RNF135: variants seen among roughly 807,000 people sequenced by gnomAD.
RNF135 encodes E3 ubiquitin-protein ligase RNF135.
Under a neutral mutation model 41.9 loss-of-function variants are expected in RNF135, and 46 were observed. That is an observed-to-expected ratio of 1.10 (90% confidence interval 0.87 to 1.40). The LOEUF (loss-of-function observed/expected upper bound fraction) is 1.40. RNF135 is among the 40% of genes most tolerant of loss of function. The pLI, the probability that RNF135 is intolerant of heterozygous loss-of-function variation, is 0.00. For missense variants in RNF135, 539 were observed against 549.8 expected, an observed-to-expected ratio of 0.98 and a Z score of 0.20; for synonymous variants, 238 against 223.8, an observed-to-expected ratio of 1.06 and a Z score of -0.57.
intron 3 of RNF135, among the ~76,000 whole-genome samples, chr17:30,995,438 CA>C (rs1250506261): frequency 6.6e-6 from 1 of 152,066 alleles, no homozygotes. Flanking sequence ...TTATGTTGCC[CA>C]GGCTGGTCTG....
rs1420453160 is a variant in RNF135 at position 30,983,353 on chromosome 17, A to ATATATATATTT, written c.373-1263_373-1262insATATATATTTT. 1.2e-3 allele frequency among the ~76,000 whole-genome samples: 43 copies of ATATATATATTT among 35,714 alleles called. 1 individual carries two copies. Among genetic ancestry groups the ATATATATATTT allele is most frequent in the Non-Finnish European group, 1.9e-3 (35 of 18,646 alleles). The allele number at this position is 35,714 out of a possible 152,430, so 23.4% of individuals were successfully genotyped here. On this transcript the variant is annotated intron_variant, in intron 1 of 4. Coordinates refer to ENST00000328381, the MANE Select transcript of RNF135 (RefSeq NM_032322.4). ...TATATATATATATATATATATATAT[A>ATATATATATTT]TTTTTTTTTTTTTTTTTTGAGATGG...
rs192664750 is a variant in RNF135 at position 30,997,098 on chromosome 17, C to T, written c.680-144C>T. 1.7e-4 allele frequency: 117 copies of T among 687,426 alleles called. No individual in the cohort carries two copies. In the African/African-American group the frequency reaches 1.8e-3, roughly 11 times the overall value. 42.6% of individuals were successfully genotyped at this position (687,426 alleles called of 1,614,324 possible). A position where few individuals can be genotyped will look rare whatever the true frequency, so the allele number is the denominator to read the frequency against. ...CATACCTGGGCTGCAGGCACACTGC[C>T]TCTGCCTGATCCAGTCCTGACACTG... On this transcript the variant is annotated intron_variant, in intron 3 of 4. Coordinates refer to ENST00000328381, the MANE Select transcript of RNF135 (RefSeq NM_032322.4).
chr17:30,980,466 A>C (rs1287185408), intron 1 of RNF135, among the ~76,000 whole-genome samples: 11 of 105,100 alleles, frequency 1.0e-4, no homozygotes, highest in African/African-American at 1.5e-4. Context: ...GGAGCCCCTC[A>C]CCTCCCGGAC....
Position 30,979,812 on chromosome 17 carries a change from A to AC in RNF135, c.373-4798dup, listed in dbSNP as rs1234375428. On this transcript the variant is annotated intron_variant, in intron 1 of 4. Transcript: ENST00000328381. ...GGGCGGCTGGCCGGGCGGGGGGCTG[A>AC]CCCCCCCACCTCCCTCCCGGATGGG... 2.2e-3 allele frequency among the ~76,000 whole-genome samples: 146 copies of AC among 65,472 alleles called. 3 individuals carry two copies. The highest frequency in any genetic ancestry group is 8.6e-3 in the African/African-American group (136 of 15,762). 43.0% of individuals were successfully genotyped at this position (65,472 alleles called of 152,430 possible).
chr17:30,997,640 T>C (rs1214542648), intron 4 of RNF135: 1 of 455,678 alleles, frequency 2.2e-6, no homozygotes, highest in Non-Finnish European at 4.4e-6. Flanking sequence ...TATAGCCAAC[T>C]GCCTCTTCCT....
the RNF135 span, among the ~76,000 whole-genome samples, chr17:30,960,101 A>G: frequency 6.6e-6 from 1 of 152,106 alleles, no homozygotes; most frequent in Non-Finnish European, 1.5e-5. Context: ...GGCTATAGAA[A>G]GAAATTTATT....
Position 30,971,083 on chromosome 17 carries a change from C to T in RNF135, c.10C>T (p.Leu4=), listed in dbSNP as rs1567734551. Residue 4 remains leucine, a synonymous_variant, in exon 1 of 5, where the codon CTG becomes TTG. Coordinates refer to ENST00000328381, the MANE Select transcript of RNF135 (RefSeq NM_032322.4). The part of the protein sequence containing the change: MAG[L]GLGSAVPVWL... ...CGGCCGCCTGTTGGCCATGGCGGGC[C>T]TGGGCCTGGGCTCCGCCGTTCCCGT... The T allele has an allele frequency of 2.0e-6, 3 of 1,534,258 alleles. No individual in the cohort carries two copies. The highest frequency in any genetic ancestry group is 2.6e-6 in the Non-Finnish European group (3 of 1,146,062).
intron 1 of RNF135, among the ~76,000 whole-genome samples, chr17:30,983,065 T>A (rs1341546283): frequency 6.6e-6 from 1 of 151,916 alleles, no homozygotes; most frequent in African/African-American, 2.4e-5. Context: ...TCTTCAAGGG[T>A]TATTTATGTT....
At chr17:30,984,045 A>G (rs944642387) in intron 1 of RNF135, among the ~76,000 whole-genome samples, 2 of 152,190 alleles carry the variant, frequency 1.3e-5, no homozygotes, top group African/African-American at 4.8e-5. Context: ...TATTCTCAGT[A>G]TTAATGCCTT....
intron 1 of RNF135, chr17:30,975,755 C>A: frequency 8.4e-7 from 1 of 1,190,522 alleles, no homozygotes; most frequent in South Asian, 1.2e-5. Context: ...GTACATGGGT[C>A]ATCGGGTACC....
At chr17:30,959,561 G>C in the RNF135 span, 2 of 152,194 alleles carry the variant, frequency 1.3e-5, no homozygotes, top group African/African-American at 2.4e-5. Flanking sequence ...AAGGCTCAGA[G>C]ATATCAGGTG....
intron 3 of RNF135, among the ~76,000 whole-genome samples, chr17:30,992,109 T>A (rs992380828): frequency 1.8e-4 from 28 of 151,600 alleles, no homozygotes; most frequent in African/African-American, 6.8e-4. Flanking sequence ...TTTTTGTATT[T>A]TTAGCAGAGA....
At chr17:30,966,226 A>G (rs1405346774), upstream of RNF135, among the ~76,000 whole-genome samples, 1 of 152,200 alleles carries the variant, frequency 6.6e-6, no homozygotes, top group Non-Finnish European at 1.5e-5. Flanking sequence ...GGCCTACCCC[A>G]GGAATGAGCG....
chr17:30,979,664 A>G (rs1906852037), intron 1 of RNF135, among the ~76,000 whole-genome samples: 1 of 102,632 alleles, frequency 9.7e-6, no homozygotes, highest in Admixed American at 1.0e-4. Context: ...CGGGGGGCTG[A>G]TCCCCCCCAC....
chr17:30,970,861 TGAA>T, upstream of RNF135: 1 of 674,364 alleles, frequency 1.5e-6, no homozygotes, highest in Non-Finnish European at 2.4e-6. Context: ...AGGCCGCCAC[TGAA>T]GGTCAGCTCT....
At chr17:30,969,759 C>T (rs981288639), upstream of RNF135, among the ~76,000 whole-genome samples, 110 of 122,624 alleles carry the variant, frequency 9.0e-4, no homozygotes, top group African/African-American at 1.7e-3. Context: ...TCTTTTTTTT[C>T]TTTTTTTTTT....
chr17:30,996,069 G>A (rs1264635671), intron 3 of RNF135, among the ~76,000 whole-genome samples: 2 of 149,288 alleles, frequency 1.3e-5, no homozygotes, highest in African/African-American at 5.0e-5. Flanking sequence ...GAGCCACCAC[G>A]CCCAGGCAGA....
intron 3 of RNF135, among the ~76,000 whole-genome samples, 178 bp downstream of exon 3, chr17:30,988,284 G>T (rs745635486): frequency 5.9e-5 from 9 of 151,938 alleles, no homozygotes; most frequent in Non-Finnish European, 1.0e-4. Context: ...TATGTTTTTG[G>T]CAATGACTGA....
intron 1 of RNF135, among the ~76,000 whole-genome samples, chr17:30,976,219 T>G (rs993126427): frequency 6.6e-6 from 1 of 152,164 alleles, no homozygotes; most frequent in African/African-American, 2.4e-5. Context: ...TTGGCCAGGA[T>G]GGTCTTGAAC....
Sources: allele counts gnomAD v4.1 joint callset (sites outside exome capture counted in the v4.1 genomes callset), GRCh38; gene constraint gnomAD v4.1.1; transcripts MANE v1.5; gene names NCBI Gene and HGNC (gene_info 2026-07-23, HGNC 2026-07-21).